Variants in PIK3C2A observed in about 807,000 individuals in gnomAD.
PIK3C2A encodes the protein phosphatidylinositol 4-phosphate 3-kinase C2 domain-containing subunit alpha.
A neutral mutation model predicts 204.5 loss-of-function variants in PIK3C2A; 97 were observed. The ratio of observed to expected loss-of-function variants is 0.47; its 90% CI spans 0.40 to 0.56. The LOEUF is 0.56. PIK3C2A is among the 20% of genes least tolerant of loss of function. The pLI, the probability that PIK3C2A is intolerant of heterozygous loss-of-function variation, is 0.00. For synonymous variants in PIK3C2A, 653 were observed against 664.4 expected (o/e 0.98, Z 0.26); for missense variants, 1,735 against 1,969.2 (o/e 0.88, Z 2.25).
rs1272706106 is a variant in PIK3C2A at position 17,105,323 on chromosome 11, T to A, written c.3545-18A>T. The A allele has an allele frequency of 6.3e-7, 1 of 1,587,972 alleles. No homozygotes were observed. Among genetic ancestry groups the A allele is most frequent in the Admixed American group, 1.9e-5 (1 of 53,184 alleles). On this transcript the variant is annotated intron_variant, in intron 22 of 32. Transcript: ENST00000691414. ...CACCATGCCTTTAATGATAAAATAT[T>A]AAGCTATGTAAAACTGTCTCTCCAA...
intron 1 of PIK3C2A, among the ~76,000 whole-genome samples, chr11:17,186,404 T>A (rs984397676): frequency 2.0e-5 from 3 of 152,184 alleles, no homozygotes; most frequent in African/African-American, 7.2e-5. Flanking sequence ...TTTATTTGTC[T>A]GGTTTACTGC....
At chr11:17,190,870 G>C (rs1174924102) in intron 1 of PIK3C2A, among the ~76,000 whole-genome samples, 4 of 152,112 alleles carry the variant, frequency 2.6e-5, no homozygotes, top group African/African-American at 4.8e-5. Context: ...CTAATATAAT[G>C]TGTAATTGGA....
intron 3 of PIK3C2A, among the ~76,000 whole-genome samples, chr11:17,155,203 G>A (rs1183895559): frequency 2.0e-5 from 3 of 152,114 alleles, no homozygotes; most frequent in African/African-American, 7.2e-5. Context: ...AAAGTTTACA[G>A]CAAAATTAAG....
chr11:17,200,238 G>A (rs1852320445), intron 1 of PIK3C2A, among the ~76,000 whole-genome samples: 1 of 151,414 alleles, frequency 6.6e-6, no homozygotes, highest in Non-Finnish European at 1.5e-5. Context: ...TCTTCATATT[G>A]TTTCCCATTT....
chr11:17,131,691 G>A (rs1849700370), intron 12 of PIK3C2A, among the ~76,000 whole-genome samples: 1 of 152,112 alleles, frequency 6.6e-6, no homozygotes, highest in Non-Finnish European at 1.5e-5. Context: ...AAAGTGCTGG[G>A]ATTACAGGTG....
At chr11:17,112,034 T>TTA (rs750495906) in intron 21 of PIK3C2A, among the ~76,000 whole-genome samples, 25 of 152,036 alleles carry the variant, frequency 1.6e-4, no homozygotes, top group Non-Finnish European at 3.2e-4. Flanking sequence ...AAGGAATTTA[T>TTA]TATATATATA....
At chr11:17,160,896 CA>C (rs894892125) in intron 2 of PIK3C2A, among the ~76,000 whole-genome samples, 1 of 151,038 alleles carries the variant, frequency 6.6e-6, no homozygotes, top group East Asian at 1.9e-4. Flanking sequence ...CAAACAGGAA[CA>C]AAAAAAACAG....
Position 17,092,008 on chromosome 11 carries a change from C to G in PIK3C2A, c.4630G>C (p.Ala1544Pro), listed in dbSNP as rs199735305. Residue 1544 changes from alanine (A) to proline (P), a missense_variant, in exon 30 of 33, where the codon GCT (alanine) becomes CCT (proline). This residue lies in a region of PIK3C2A where 503 missense variants were observed against 669.0 expected (regional missense o/e 0.75). Coordinates refer to ENST00000691414, the MANE Select transcript of PIK3C2A (RefSeq NM_002645.4). Reference protein sequence around the residue: ...LLRDEKAEGIARSADAGSFSP... With the variant: ...LLRDEKAEGIPRSADAGSFSP... The stretch of plus-strand genomic sequence containing the variant: ...AAAATAATCTCACCTGCAGACCTAG[C>G]TATCCCTTCAGCTTTCTCATCACGA... 374 of 1,605,848 alleles carry G rather than the reference C, an allele frequency of 2.3e-4. 4 individuals carry two copies. The East Asian group carries it at 8.3e-3, about 35-fold the overall frequency.
At chr11:17,207,313 G>A (rs1216921055) in intron 1 of PIK3C2A, among the ~76,000 whole-genome samples, 1 of 152,172 alleles carries the variant, frequency 6.6e-6, no homozygotes, top group Non-Finnish European at 1.5e-5. Context: ...GCGGCTAAAG[G>A]CAACGCGGTG....
At chr11:17,117,470 T>C (rs151156508) in intron 19 of PIK3C2A, 21 bp downstream of exon 19, 620 of 1,549,484 alleles carry the variant, frequency 4.0e-4, no homozygotes, top group Non-Finnish European at 5.3e-4. Context: ...CACATTTATA[T>C]TACCTTTTAT....
At chr11:17,120,855 G>A (rs1367014462) in intron 15 of PIK3C2A, among the ~76,000 whole-genome samples, 1 of 151,890 alleles carries the variant, frequency 6.6e-6, no homozygotes, top group African/African-American at 2.4e-5. Flanking sequence ...TGTCACCCAG[G>A]CTGGAATGCA....
intron 12 of PIK3C2A, among the ~76,000 whole-genome samples, chr11:17,131,169 C>G (rs896267639): frequency 6.6e-6 from 1 of 152,132 alleles, no homozygotes; most frequent in Non-Finnish European, 1.5e-5. Context: ...GCCTGGGCAA[C>G]AAGGGCAAAA....
intron 2 of PIK3C2A, among the ~76,000 whole-genome samples, chr11:17,167,124 T>C (rs947172822): frequency 1.3e-5 from 2 of 151,980 alleles, no homozygotes; most frequent in Non-Finnish European, 2.9e-5. Context: ...GAGTATGCCA[T>C]CACGCCCAGC....
At chr11:17,162,578 G>C (rs1202532569) in intron 2 of PIK3C2A, among the ~76,000 whole-genome samples, 1 of 152,056 alleles carries the variant, frequency 6.6e-6, no homozygotes, top group Non-Finnish European at 1.5e-5. Context: ...ACCAAGTTTC[G>C]GCCAATCAAG....
chr11:17,093,311 G>C (rs548484792), intron 28 of PIK3C2A, among the ~76,000 whole-genome samples: 127 of 152,314 alleles, frequency 8.3e-4, no homozygotes, highest in African/African-American at 3.0e-3. Flanking sequence ...CTGTTGCCCA[G>C]GCTGGAGTGC....
intron 2 of PIK3C2A, 105 bp from the exon 3 acceptor site, chr11:17,155,734 G>C: frequency 1.7e-6 from 1 of 573,944 alleles, no homozygotes; most frequent in Non-Finnish European, 3.2e-6. Flanking sequence ...CAAAGCAATG[G>C]AGGTAAAATA....
At position 17,089,844 on chromosome 11, in the gene PIK3C2A, A is replaced by G. The variant is rs774686194; in HGVS notation, c.4955T>C (p.Leu1652Pro). 4 of 1,613,716 alleles carry G rather than the reference A, an allele frequency of 2.5e-6. No individual in the cohort carries two copies. The highest frequency in any genetic ancestry group is 3.4e-6 in the Non-Finnish European group (4 of 1,179,590). ...LQLSVLSAES[L>P]RENFFLGGVT... ...TCCACCCAAGAAAAAATTCTCCCGC[A>G]GAGATTCTGCACTGAGTACACTTAG... is the stretch of plus-strand genomic sequence containing the variant. Residue 1652 changes from leucine to proline, a missense_variant, in exon 33 of 33, where the codon CTG becomes CCG. This residue lies in a region of PIK3C2A where 503 missense variants were observed against 669.0 expected (regional missense o/e 0.75). Transcript: ENST00000691414.
At chr11:17,201,062 C>T (rs941632671) in intron 1 of PIK3C2A, among the ~76,000 whole-genome samples, 2 of 151,820 alleles carry the variant, frequency 1.3e-5, no homozygotes, top group Non-Finnish European at 2.9e-5. Context: ...AAAAATTAGC[C>T]AGATGTGGTG....
chr11:17,182,224 AT>A (rs1248985278), intron 1 of PIK3C2A, among the ~76,000 whole-genome samples: 16 of 152,142 alleles, frequency 1.1e-4, no homozygotes, highest in Admixed American at 5.9e-4. Flanking sequence ...GTATGTATTT[AT>A]AATTATTTGT....
Sources: allele counts gnomAD v4.1 joint callset (sites outside exome capture counted in the v4.1 genomes callset), GRCh38; gene constraint gnomAD v4.1.1; regional missense constraint gnomAD v4.1.1; transcripts MANE v1.5; gene names NCBI Gene and HGNC (gene_info 2026-07-23, HGNC 2026-07-21).